RIMS1: variants seen among roughly 807,000 people sequenced by gnomAD.
RIMS1 encodes the protein regulating synaptic membrane exocytosis protein 1.
In RIMS1, 83 loss-of-function variants were observed where a neutral mutation model predicts 214.1. That is an observed-to-expected ratio of 0.39 (90% CI 0.32 to 0.47). The LOEUF is 0.47. Ranked by LOEUF, RIMS1 falls within the 20% of genes least tolerant of loss-of-function variation. RIMS1 has a pLI of 0.99. For synonymous variants in RIMS1, 793 were observed against 786.8 expected (o/e 1.01, Z -0.13); for missense variants, 2,050 against 2,161.8 (o/e 0.95, Z 1.03).
chr6:71,996,714 TC>T (rs1343539033), intron 2 of RIMS1, among the ~76,000 whole-genome samples: 2 of 152,166 alleles, frequency 1.3e-5, no homozygotes, highest in Non-Finnish European at 1.5e-5. Flanking sequence ...CAGGGGTTCT[TC>T]CTGGCACAAC....
At chr6:72,189,723 G>A (rs1177348745) in intron 6 of RIMS1, among the ~76,000 whole-genome samples, 1 of 152,236 alleles carries the variant, frequency 6.6e-6, no homozygotes, top group Non-Finnish European at 1.5e-5. Flanking sequence ...CCATGTTGCT[G>A]AGCCCATGCG....
intron 28 of RIMS1, among the ~76,000 whole-genome samples, chr6:72,328,725 G>A (rs889998250): frequency 2.0e-5 from 3 of 151,548 alleles, no homozygotes; most frequent in African/African-American, 7.3e-5. Flanking sequence ...AGTAATCTAA[G>A]CCTATATTTT....
At chr6:72,071,641 A>G (rs1830603959) in intron 2 of RIMS1, among the ~76,000 whole-genome samples, 1 of 152,146 alleles carries the variant, frequency 6.6e-6, no homozygotes, top group Non-Finnish European at 1.5e-5. Context: ...AAGTTCAAAT[A>G]TGTGTCAGTT....
At chr6:72,349,063 T>C (rs1280121200) in intron 29 of RIMS1, among the ~76,000 whole-genome samples, 1 of 151,954 alleles carries the variant, frequency 6.6e-6, no homozygotes. Flanking sequence ...AGCTAGTGAA[T>C]TCTTACTTGG....
At chr6:72,103,676 A>G (rs1050117143) in intron 4 of RIMS1, among the ~76,000 whole-genome samples, 1 of 152,126 alleles carries the variant, frequency 6.6e-6, no homozygotes, top group African/African-American at 2.4e-5. Context: ...TTATGTATCT[A>G]GGAGTGGAAT....
In RIMS1 at chr6:72,188,073, C is replaced by T. The variant is rs2049424847; in HGVS notation, c.1678+4924C>T. Among the ~76,000 whole-genome samples the T allele has an allele frequency of 3.3e-5, 5 of 152,302 alleles. No individual in the cohort carries two copies. The South Asian group carries it at 1.0e-3, about 32-fold the overall frequency. On this transcript the variant is annotated intron_variant, in intron 6 of 33. Coordinates refer to ENST00000521978, the MANE Select transcript of RIMS1 (RefSeq NM_014989.7). ...GTCTAGCCTTTTCATGTTCTTCTGC[C>T]TGCTTTTATTCTGGCCGTGCTGGGA...
intron 28 of RIMS1, among the ~76,000 whole-genome samples, chr6:72,332,684 A>T (rs1244515572): frequency 1.4e-5 from 2 of 140,052 alleles, no homozygotes; most frequent in Admixed American, 1.4e-4. Context: ...TTAAAGTATA[A>T]AAAAAAAAAA....
At chr6:72,141,791 C>G (rs1444152824) in intron 4 of RIMS1, among the ~76,000 whole-genome samples, 1 of 151,890 alleles carries the variant, frequency 6.6e-6, no homozygotes, top group Non-Finnish European at 1.5e-5. Context: ...TGATAAGTCA[C>G]TAGACTTGGA....
At chr6:71,906,542 T>C (rs558019173) in intron 1 of RIMS1, among the ~76,000 whole-genome samples, 1 of 152,180 alleles carries the variant, frequency 6.6e-6, no homozygotes, top group Non-Finnish European at 1.5e-5. Flanking sequence ...AGTTAACTAT[T>C]ATTACAACTG....
chr6:72,063,395 G>A lies in RIMS1; in HGVS notation c.246-33554G>A, dbSNP rs570430349. On this transcript the variant is annotated intron_variant, in intron 2 of 33. Coordinates refer to ENST00000521978, the MANE Select transcript of RIMS1 (RefSeq NM_014989.7). ...TGGGAGGGACACCAACAGCATCTGC[G>A]ACAATACCTGAAACAATAAGTGTAA... Among the ~76,000 whole-genome samples the A allele has an allele frequency of 4.6e-5, 7 of 152,272 alleles. No homozygotes were observed. The South Asian group carries it at 1.0e-3, about 23-fold the overall frequency.
chr6:72,017,968 C>T (rs576381944), intron 2 of RIMS1, among the ~76,000 whole-genome samples: 2 of 152,136 alleles, frequency 1.3e-5, no homozygotes, highest in African/African-American at 4.8e-5. Flanking sequence ...TTCAAAGTGG[C>T]AGATCTTTAT....
chr6:72,293,757 G>GT (rs1048748669), intron 26 of RIMS1, among the ~76,000 whole-genome samples: 1 of 151,578 alleles, frequency 6.6e-6, no homozygotes, highest in Non-Finnish European at 1.5e-5. Context: ...TTGGATTTTG[G>GT]TTTTTTAAAA....
intron 6 of RIMS1, among the ~76,000 whole-genome samples, chr6:72,230,935 A>G (rs1166517662): frequency 6.6e-6 from 1 of 151,542 alleles, no homozygotes; most frequent in Non-Finnish European, 1.5e-5. Context: ...GGTAATAGTG[A>G]ATTAGTTCCT....
intron 23 of RIMS1, among the ~76,000 whole-genome samples, chr6:72,277,581 C>CAA (rs34868285): frequency 8.1e-4 from 112 of 138,038 alleles, no homozygotes; most frequent in Middle Eastern, 3.8e-3. Flanking sequence ...GACTCTGTCT[C>CAA]AAAAAAAAAA....
At chr6:72,196,103 A>T (rs112485246) in intron 6 of RIMS1, among the ~76,000 whole-genome samples, 1,705 of 152,206 alleles carry the variant, frequency 0.011, 10 homozygotes, top group Non-Finnish European at 0.017. Flanking sequence ...ACAAAGCCTA[A>T]CCATATCAAG....
At chr6:72,038,117 A>T (rs1820372671) in intron 2 of RIMS1, among the ~76,000 whole-genome samples, 1 of 56,442 alleles carries the variant, frequency 1.8e-5, no homozygotes, top group African/African-American at 1.1e-4. Context: ...AAAAAAAAAA[A>T]AATATATATA....
chr6:72,358,588 A>G (rs965790244), intron 29 of RIMS1, among the ~76,000 whole-genome samples: 5 of 152,200 alleles, frequency 3.3e-5, no homozygotes, highest in African/African-American at 1.2e-4. Flanking sequence ...TCTCTGAGAT[A>G]TGAACAAAGA....
intron 1 of RIMS1, among the ~76,000 whole-genome samples, chr6:71,959,025 G>T (rs1005905857): frequency 1.3e-5 from 2 of 152,072 alleles, no homozygotes; most frequent in African/African-American, 2.4e-5. Flanking sequence ...GTGTCAAATT[G>T]ATTTGATTTC....
chr6:72,054,425 C>A lies in RIMS1; in HGVS notation c.246-42524C>A, dbSNP rs1825593963. ...TCTTTATAGTAGAATGATTTATATT[C>A]CTTTGGGTATATACTCAGTAATGGG... On this transcript the variant is annotated intron_variant, in intron 2 of 33. Coordinates refer to ENST00000521978, the MANE Select transcript of RIMS1 (RefSeq NM_014989.7). Among the ~76,000 whole-genome samples, 4 of 151,988 alleles carry A rather than the reference C, an allele frequency of 2.6e-5. No homozygotes were observed. The South Asian group carries it at 8.3e-4, about 32-fold the overall frequency.
Sources: allele counts gnomAD v4.1 joint callset (sites outside exome capture counted in the v4.1 genomes callset), GRCh38; gene constraint gnomAD v4.1.1; transcripts MANE v1.5; gene names NCBI Gene and HGNC (gene_info 2026-07-23, HGNC 2026-07-21).